Variants in SLC25A17 observed in about 807,000 individuals in gnomAD.
SLC25A17 encodes peroxisomal membrane protein PMP34.
SLC25A17 carries 26 observed loss-of-function variants against 38.5 expected under a neutral mutation model. The observed-to-expected ratio is 0.68, with a 90% CI of 0.50 to 0.94. The LOEUF is 0.94. SLC25A17 is among the 40% of genes least tolerant of loss of function. SLC25A17 has a pLI of 0.00. For synonymous variants in SLC25A17, 139 were observed against 136.2 expected (o/e 1.02, Z -0.14); for missense variants, 333 against 372.7 (o/e 0.89, Z 0.88).
At chr22:40,771,459 A>G (rs2057182539) in intron 8 of SLC25A17, among the ~76,000 whole-genome samples, 1 of 152,232 alleles carries the variant, frequency 6.6e-6, no homozygotes, top group Admixed American at 6.5e-5. Context: ...AGCAAGCTAC[A>G]TGTCCATCAA....
intron 4 of SLC25A17, chr22:40,788,922 G>A: frequency 6.7e-6 from 2 of 297,114 alleles, no homozygotes; most frequent in Non-Finnish European, 1.3e-5. Flanking sequence ...ATGAATCAAA[G>A]TTCTTTTCTG....
intron 8 of SLC25A17, among the ~76,000 whole-genome samples, chr22:40,773,178 G>T (rs1231054776): frequency 2.6e-5 from 4 of 152,086 alleles, no homozygotes; most frequent in African/African-American, 9.7e-5. Flanking sequence ...GGGAGGCTGA[G>T]AAGGGCAGAT....
chr22:40,793,733 C>T (rs1281178985), intron 3 of SLC25A17, among the ~76,000 whole-genome samples: 1 of 152,144 alleles, frequency 6.6e-6, no homozygotes, highest in African/African-American at 2.4e-5. Context: ...CTGCTTCAGC[C>T]TCCTTAGTAG....
chr22:40,799,426 C>T lies in SLC25A17; in HGVS notation c.55-343G>A, dbSNP rs139550912. The stretch of plus-strand genomic sequence containing the variant: ...TTGCCCAGGCTAGAGTGCAGTGGCA[C>T]GATCTCAACTCACTGCAACCTCCGC... On this transcript the variant is annotated intron_variant, in intron 1 of 8. Coordinates refer to ENST00000435456, the MANE Select transcript of SLC25A17 (RefSeq NM_006358.4). The T allele has an allele frequency of 1.6e-3, 247 of 158,692 alleles. 7 individuals carry two copies. The East Asian group carries it at 0.021, about 13-fold the overall frequency. The allele number at this position is 158,692 out of a possible 1,614,324, so 9.8% of individuals were successfully genotyped here.
chr22:40,777,227 C>T lies in SLC25A17; in HGVS notation c.597+1G>A, dbSNP rs1393773651. ...TTACTGCTTTCAAAATCAAGGATTACCTTCATCCGTTTCTTTAAAAGCTGC... is the reference window on the plus strand; with the variant it reads ...TTACTGCTTTCAAAATCAAGGATTATCTTCATCCGTTTCTTTAAAAGCTGC... On this transcript the variant is annotated splice_donor_variant, in intron 6 of 8. Coordinates refer to ENST00000435456, the MANE Select transcript of SLC25A17 (RefSeq NM_006358.4). LOFTEE classifies it high-confidence loss of function. The T allele has an allele frequency of 1.3e-5, 21 of 1,613,828 alleles. No homozygotes were observed. The highest frequency in any genetic ancestry group is 1.8e-5 in the Non-Finnish European group (21 of 1,179,856).
chr22:40,781,831 A>T (rs534761475), intron 4 of SLC25A17, among the ~76,000 whole-genome samples: 1 of 152,266 alleles, frequency 6.6e-6, no homozygotes, highest in East Asian at 1.9e-4. Context: ...CACTGAGAGA[A>T]GCATGCCACA....
Position 40,795,327 on chromosome 22 carries a change from C to G in SLC25A17, c.116-747G>C, listed in dbSNP as rs142205373. ...TTTTTTTTTGAGACGGAGTCTCGCT[C>G]TGTCACCCAGGCTGGAGTGCAGCGG... On this transcript the variant is annotated intron_variant, in intron 2 of 8. Transcript: ENST00000435456. 4.0e-3 allele frequency among the ~76,000 whole-genome samples: 600 copies of G among 151,112 alleles called. 2 individuals carry two copies. The highest frequency in any genetic ancestry group is 0.014 in the African/African-American group (577 of 41,162).
chr22:40,809,044 T>C (rs2057554388), intron 1 of SLC25A17, among the ~76,000 whole-genome samples: 1 of 152,154 alleles, frequency 6.6e-6, no homozygotes, highest in Non-Finnish European at 1.5e-5. Flanking sequence ...TTATGACGTT[T>C]TGGAAAATAT....
At chr22:40,799,131 G>A (rs747105217) in intron 1 of SLC25A17, 48 bp from the exon 2 acceptor site, 3 of 1,494,842 alleles carry the variant, frequency 2.0e-6, no homozygotes, top group Non-Finnish European at 2.8e-6. Context: ...CATAGTTTAA[G>A]TCACAACTTT....
intron 4 of SLC25A17, among the ~76,000 whole-genome samples, chr22:40,783,053 T>C (rs945957193): frequency 6.6e-6 from 1 of 152,146 alleles, no homozygotes; most frequent in African/African-American, 2.4e-5. Flanking sequence ...AAGAAAGCTG[T>C]TATAATTATT....
At chr22:40,818,960 G>C (rs1029716654) in intron 1 of SLC25A17, among the ~76,000 whole-genome samples, 1 of 152,078 alleles carries the variant, frequency 6.6e-6, no homozygotes, top group Non-Finnish European at 1.5e-5. Flanking sequence ...GTGTGAACAC[G>C]GCTCTCTACC....
intron 1 of SLC25A17, chr22:40,817,362 C>T (rs2057651945): frequency 6.6e-6 from 1 of 152,354 alleles, no homozygotes; most frequent in Admixed American, 6.6e-5. Flanking sequence ...ATTTTCTCGG[C>T]CTCTTAATGG....
chr22:40,814,782 TATATA>T (rs1184169740), intron 1 of SLC25A17, among the ~76,000 whole-genome samples: 5 of 132,546 alleles, frequency 3.8e-5, no homozygotes, highest in African/African-American at 1.5e-4. Context: ...TATATATATA[TATATA>T]TATTGTTGTT....
chr22:40,795,035 G>C (rs538307390), intron 2 of SLC25A17, among the ~76,000 whole-genome samples: 3 of 152,056 alleles, frequency 2.0e-5, no homozygotes, highest in Non-Finnish European at 4.4e-5. Flanking sequence ...TTACAGGCGT[G>C]AGCCACCATA....
intron 2 of SLC25A17, 123 bp downstream of exon 2, chr22:40,798,900 G>A (rs1287112269): frequency 4.7e-6 from 3 of 639,940 alleles, no homozygotes; most frequent in Non-Finnish European, 5.5e-6. Flanking sequence ...CCGAGATCAT[G>A]CCATCGCACT....
intron 1 of SLC25A17, among the ~76,000 whole-genome samples, chr22:40,806,580 T>TA (rs1030708223): frequency 8.0e-5 from 12 of 150,544 alleles, no homozygotes; most frequent in African/African-American, 1.5e-4. Flanking sequence ...TCAAGGGGCT[T>TA]AAAAAAAAAG....
chr22:40,775,786 G>C (rs118164926), intron 7 of SLC25A17, among the ~76,000 whole-genome samples: 2 of 152,162 alleles, frequency 1.3e-5, no homozygotes, highest in African/African-American at 4.8e-5. Flanking sequence ...TATAGGAGGA[G>C]TTCCCCCTGC....
intron 4 of SLC25A17, among the ~76,000 whole-genome samples, chr22:40,791,600 G>A (rs1478716192): frequency 6.6e-6 from 1 of 152,120 alleles, no homozygotes; most frequent in African/African-American, 2.4e-5. Context: ...AGACATTTCT[G>A]CAAAGATAAT....
chr22:40,816,208 AAAAG>A (rs1024269521), intron 1 of SLC25A17, among the ~76,000 whole-genome samples: 7 of 151,950 alleles, frequency 4.6e-5, no homozygotes, highest in South Asian at 2.1e-4. Flanking sequence ...CAAAAAAAAA[AAAAG>A]AAAGAAAGAA....
Sources: allele counts gnomAD v4.1 joint callset (sites outside exome capture counted in the v4.1 genomes callset), GRCh38; gene constraint gnomAD v4.1.1; transcripts MANE v1.5; gene names NCBI Gene and HGNC (gene_info 2026-07-23, HGNC 2026-07-21).